The following AGBL1 variants were observed in gnomAD, a reference collection of about 807,000 sequenced individuals.
The protein encoded by AGBL1 is cytosolic carboxypeptidase 4.
AGBL1 carries 130 observed loss-of-function variants against 118.9 expected under a neutral mutation model. The ratio of observed to expected loss-of-function variants is 1.09; its 90% CI spans 0.95 to 1.26. The LOEUF (loss-of-function observed/expected upper bound fraction) is 1.26, where lower values mean the gene tolerates loss of function less well. Among genes scored for constraint, AGBL1 ranks in the 50% most tolerant of loss-of-function variants. The pLI is 0.00. For synonymous variants in AGBL1, 555 were observed against 478.9 expected, an observed-to-expected ratio of 1.16 and a Z score of -2.08; for missense variants, 1,584 against 1,298.1, an observed-to-expected ratio of 1.22 and a Z score of -3.38.
At chr15:86,080,252 G>A (rs1487859662) in intron 1 of AGBL1, 10 of 372,858 alleles carry the variant, frequency 2.7e-5, no homozygotes, top group Non-Finnish European at 4.7e-5. Flanking sequence ...ATTGATCCTC[G>A]TGGGATCAGA....
intron 1 of AGBL1, among the ~76,000 whole-genome samples, chr15:86,110,961 A>C (rs17651993): frequency 6.6e-6 from 1 of 152,222 alleles, no homozygotes; most frequent in South Asian, 2.1e-4. Context: ...TGTGCCACCC[A>C]GTATTGCTAC....
intron 17 of AGBL1, among the ~76,000 whole-genome samples, chr15:86,329,823 G>A (rs1244670774): frequency 2.6e-5 from 4 of 152,046 alleles, no homozygotes; most frequent in African/African-American, 7.2e-5. Context: ...GCCTGGTTTA[G>A]CAGCCTGAGT....
At chr15:86,990,795 T>C (rs1354869936) in intron 24 of AGBL1, among the ~76,000 whole-genome samples, 1 of 152,106 alleles carries the variant, frequency 6.6e-6, no homozygotes, top group Non-Finnish European at 1.5e-5. Context: ...CGAAGGTGGT[T>C]CAAGGCCACC....
intron 6 of AGBL1, among the ~76,000 whole-genome samples, chr15:86,225,224 A>G (rs1484021620): frequency 6.6e-6 from 1 of 151,934 alleles, no homozygotes; most frequent in African/African-American, 2.4e-5. Context: ...TGGACCCTAA[A>G]GGGGGTATAT....
chr15:86,106,569 T>G (rs1460045903), intron 1 of AGBL1, among the ~76,000 whole-genome samples: 1 of 152,222 alleles, frequency 6.6e-6, no homozygotes, highest in African/African-American at 2.4e-5. Flanking sequence ...TGACTAAACA[T>G]CTTGCGACAC....
intron 22 of AGBL1, among the ~76,000 whole-genome samples, chr15:86,780,811 G>A (rs532081438): frequency 3.1e-4 from 47 of 151,948 alleles, no homozygotes; most frequent in Non-Finnish European, 5.9e-4. Context: ...GGGATTACAG[G>A]CATGTGCCAC....
intron 19 of AGBL1, among the ~76,000 whole-genome samples, chr15:86,524,076 A>G (rs1480522955): frequency 6.6e-6 from 1 of 152,238 alleles, no homozygotes; most frequent in Non-Finnish European, 1.5e-5. Flanking sequence ...CATTCAATGA[A>G]TATTTATTTT....
At chr15:86,244,047 ATAGATAGATAAATAAG>A (rs1165763678) in intron 6 of AGBL1, among the ~76,000 whole-genome samples, 47 of 111,796 alleles carry the variant, frequency 4.2e-4, no homozygotes, top group African/African-American at 1.9e-3. Context: ...AGATAGATAG[ATAGATAGATAAATAAG>A]TAAATAAATA....
Position 86,912,603 on chromosome 15 carries a change from G to A in AGBL1, c.*5309G>A, listed in dbSNP as rs2080366712. ...TCACCTTGAGGGCTGCCAACACAAG[G>A]AAGGTCATATTACACCCTTTCATTT... On this transcript the variant is annotated 3_prime_UTR_variant, in exon 23 of 23. Coordinates refer to ENST00000614907, the MANE Select transcript of AGBL1 (RefSeq NM_001386094.1). 6.6e-6 allele frequency: 1 copy of A among 152,156 alleles called. No homozygotes were observed. The highest frequency in any genetic ancestry group is 1.5e-5 in the Non-Finnish European group (1 of 68,048). The allele number at this position is 152,156 out of a possible 1,614,324, so 9.4% of individuals were successfully genotyped here. A position where few individuals can be genotyped will look rare whatever the true frequency, so the allele number is the denominator to read the frequency against.
rs1248514880 is a variant in AGBL1 at position 86,397,545 on chromosome 15, A to G, written c.2554A>G (p.Asn852Asp). The part of the protein sequence containing the change: ...MLNPDGVING[N>D]HRCSLSGEDL... Reference sequence around the variant, plus strand: ...CAACCCAGATGGTGTCATCAACGGCAAGTATGTCAGGCACCTGGCTCAGCC... The same window carrying G: ...CAACCCAGATGGTGTCATCAACGGCGAGTATGTCAGGCACCTGGCTCAGCC... The change falls in exon 18 of 23, where the codon AAC becomes GAC. Residue 852 changes from asparagine to aspartate, a missense_variant and splice_region_variant. Transcript: ENST00000614907. The G allele has an allele frequency of 6.2e-7, 1 of 1,603,256 alleles. No individual in the cohort carries two copies. The highest frequency in any genetic ancestry group is 1.7e-5 in the Admixed American group (1 of 59,084).
intron 22 of AGBL1, among the ~76,000 whole-genome samples, chr15:86,763,556 C>T (rs561988056): frequency 9.2e-5 from 14 of 151,892 alleles, no homozygotes; most frequent in South Asian, 2.1e-4. Flanking sequence ...TTGTGGTTCC[C>T]GATTGCTTGT....
intron 21 of AGBL1, among the ~76,000 whole-genome samples, chr15:86,576,481 G>T (rs533467763): frequency 6.6e-6 from 1 of 152,284 alleles, no homozygotes; most frequent in African/African-American, 2.4e-5. Context: ...TTTGAACATG[G>T]TTTGAACAGT....
Position 86,720,101 on chromosome 15 carries a change from C to G in AGBL1, c.3158+45665C>G, listed in dbSNP as rs182088416. Among the ~76,000 whole-genome samples the G allele has an allele frequency of 8.2e-4, 125 of 152,282 alleles. 1 individual carries two copies. Among genetic ancestry groups the G allele is most frequent in the African/African-American group, 3.0e-3 (123 of 41,556 alleles). ...ATGACAAGTATATACAGATTACTGT[C>G]AAATTAATATCTCTAAGCTTCACTT... On this transcript the variant is annotated intron_variant, in intron 22 of 22. Transcript: ENST00000614907.
intron 22 of AGBL1, among the ~76,000 whole-genome samples, chr15:86,678,972 G>C (rs1243607574): frequency 6.6e-6 from 1 of 152,000 alleles, no homozygotes; most frequent in Non-Finnish European, 1.5e-5. Context: ...AGAGCACGTA[G>C]CTTTTAATAC....
chr15:86,845,554 T>C (rs927047420), intron 22 of AGBL1, among the ~76,000 whole-genome samples: 2 of 152,210 alleles, frequency 1.3e-5, no homozygotes, highest in Admixed American at 1.3e-4. Context: ...TATTTTACTT[T>C]ATTCTTTTGA....
chr15:86,930,854 G>T (rs1334769791), intron 23 of AGBL1, among the ~76,000 whole-genome samples: 1 of 152,124 alleles, frequency 6.6e-6, no homozygotes, highest in African/African-American at 2.4e-5. Flanking sequence ...CAAGCAAAAA[G>T]GTAATAGTGG....
intron 21 of AGBL1, among the ~76,000 whole-genome samples, chr15:86,612,505 A>T (rs2084671482): frequency 6.6e-6 from 1 of 152,122 alleles, no homozygotes; most frequent in Admixed American, 6.6e-5. Context: ...TTTAGACAAC[A>T]GTGACCGGCA....
intron 22 of AGBL1, among the ~76,000 whole-genome samples, chr15:86,693,033 C>T (rs2086199095): frequency 1.3e-5 from 2 of 152,006 alleles, no homozygotes; most frequent in African/African-American, 4.8e-5. Context: ...GAGCTAATTC[C>T]ATATTTTTGC....
intron 22 of AGBL1, among the ~76,000 whole-genome samples, chr15:86,723,378 C>T (rs915225249): frequency 5.3e-5 from 8 of 152,234 alleles, no homozygotes; most frequent in South Asian, 2.1e-4. Context: ...AGCTGGAAAC[C>T]ATCGTTCTCA....
Sources: gnomAD v4.1 joint callset for allele counts (sites outside exome capture counted in the v4.1 genomes callset) on GRCh38, gnomAD v4.1.1 for gene constraint, MANE v1.5 for transcripts, NCBI Gene and HGNC (gene_info 2026-07-23, HGNC 2026-07-21) for gene names.